POLR2M: variants seen among roughly 807,000 people sequenced by gnomAD.
The protein encoded by POLR2M is RNA polymerase II subunit M.
POLR2M carries 30 observed loss-of-function variants against 34.6 expected under a neutral mutation model. The observed-to-expected ratio is 0.87, with a 90% CI of 0.65 to 1.18. The LOEUF (loss-of-function observed/expected upper bound fraction) is 1.18, where lower values mean the gene tolerates loss of function less well. Ranked by LOEUF, POLR2M falls within the 50% of genes most tolerant of loss-of-function variation. POLR2M has a pLI of 0.00. For synonymous variants in POLR2M, 150 were observed against 166.7 expected (o/e 0.90, Z 0.77); for missense variants, 432 against 448.7 (o/e 0.96, Z 0.34).
At position 57,715,818 on chromosome 15, in the gene POLR2M, A is replaced by T. The variant is rs1186567083; in HGVS notation, c.*1139A>T. On this transcript the variant is annotated 3_prime_UTR_variant, in exon 4 of 4. Coordinates refer to ENST00000299638, the MANE Select transcript of POLR2M (RefSeq NM_015532.5). ...TTAATTAGAACAACTTCAAATGCTAAGGTGATGTTTTACCGGGACTTAATT... is the reference window on the plus strand; with the variant it reads ...TTAATTAGAACAACTTCAAATGCTATGGTGATGTTTTACCGGGACTTAATT... 1.3e-5 allele frequency: 2 copies of T among 152,270 alleles called. No individual in the cohort carries two copies. Among genetic ancestry groups the T allele is most frequent in the Non-Finnish European group, 2.9e-5 (2 of 68,048 alleles). 9.4% of individuals were successfully genotyped at this position (152,270 alleles called of 1,614,324 possible).
chr15:57,714,600 A>C lies in POLR2M; in HGVS notation c.1028A>C (p.Tyr343Ser). 6.2e-7 allele frequency: 1 copy of C among 1,613,584 alleles called. No homozygotes were observed. Among genetic ancestry groups the C allele is most frequent in the Non-Finnish European group, 8.5e-7 (1 of 1,179,870 alleles). Residue 343 changes from tyrosine to serine, a missense_variant, in exon 4 of 4, where the codon TAT (tyrosine) becomes TCT (serine). Transcript: ENST00000299638. Reference sequence around the variant, plus strand: ...AGACTGAATATTAAAATGCGGAGTTATAATCCAGAAGGGGAGTCTTCAGGG... The same window carrying C: ...AGACTGAATATTAAAATGCGGAGTTCTAATCCAGAAGGGGAGTCTTCAGGG... ...AERLNIKMRS[Y>S]NPEGESSGRY... is the part of the protein sequence containing the mutation.
chr15:57,711,489 C>A (rs2040711086), intron 2 of POLR2M, among the ~76,000 whole-genome samples: 1 of 152,208 alleles, frequency 6.6e-6, no homozygotes, highest in Non-Finnish European at 1.5e-5. Flanking sequence ...TACTTTCTCT[C>A]ACTCCCCTTG....
chr15:57,713,817 CTTCTTTTTTT>C (rs2040832504), intron 3 of POLR2M, among the ~76,000 whole-genome samples: 10 of 111,656 alleles, frequency 9.0e-5, no homozygotes, highest in South Asian at 6.3e-4. Flanking sequence ...AGCATTAGTC[CTTCTTTTTTT>C]TTTTTTTTTT....
rs2040494738 is a variant in POLR2M, at chr15:57,706,766, C to T, written c.-77C>T. 3 of 1,493,250 alleles carry T rather than the reference C, an allele frequency of 2.0e-6. No individual in the cohort carries two copies. The highest frequency in any genetic ancestry group is 1.4e-5 in the African/African-American group (1 of 71,484). 92.5% of individuals were successfully genotyped at this position (1,493,250 alleles called of 1,614,324 possible). On this transcript the variant is annotated 5_prime_UTR_variant, in exon 1 of 4. Coordinates refer to ENST00000299638, the MANE Select transcript of POLR2M (RefSeq NM_015532.5). Reference sequence around the variant, plus strand: ...CTCGTGCCCCGGAGTCACCGCCGTCCGCGGATCCGGCGCTAGTAGCGGGGC... The same window carrying T: ...CTCGTGCCCCGGAGTCACCGCCGTCTGCGGATCCGGCGCTAGTAGCGGGGC...
Position 57,709,124 on chromosome 15 carries a change from A to G in POLR2M, c.524A>G (p.His175Arg). 1 of 1,614,214 alleles carries G rather than the reference A, an allele frequency of 6.2e-7. No individual in the cohort carries two copies. Among genetic ancestry groups the G allele is most frequent in the Admixed American group, 1.7e-5 (1 of 60,016 alleles). Residue 175 changes from histidine (H) to arginine (R), a missense_variant, in exon 2 of 4, where the codon CAT becomes CGT. Coordinates refer to ENST00000299638, the MANE Select transcript of POLR2M (RefSeq NM_015532.5). ...GAAGCTAGTGAGCATCACCCGCGGC[A>G]TCGTGTTTCAAGTCAAGCGGAAGAT... is the stretch of plus-strand genomic sequence containing the variant. ...SSEASEHHPRHRVSSQAEDTS... is the reference protein window; with the variant it reads ...SSEASEHHPRRRVSSQAEDTS...
Position 57,714,735 on chromosome 15 carries a change from T to C in POLR2M, c.*56T>C. 5.7e-6 allele frequency: 9 copies of C among 1,580,930 alleles called. No individual in the cohort carries two copies. Among genetic ancestry groups the C allele is most frequent in the Non-Finnish European group, 7.7e-6 (9 of 1,162,308 alleles). ...TGTCATCATCTTACATCAGACTTTC[T>C]AACTAGTATCAAGATCAGTGTCAGA... is the stretch of plus-strand genomic sequence containing the variant. On this transcript the variant is annotated 3_prime_UTR_variant, in exon 4 of 4. Coordinates refer to ENST00000299638, the MANE Select transcript of POLR2M (RefSeq NM_015532.5).
intron 2 of POLR2M, among the ~76,000 whole-genome samples, chr15:57,710,970 C>T (rs72745583): frequency 0.045 from 6,788 of 152,286 alleles, 190 homozygotes; most frequent in Middle Eastern, 0.088. Flanking sequence ...AGGCTGACCC[C>T]TGTGCACCTC....
At chr15:57,707,458 G>GT in intron 1 of POLR2M, 1 of 573,546 alleles carries the variant, frequency 1.7e-6, no homozygotes, top group Non-Finnish European at 3.3e-6. Flanking sequence ...AAGTGATTTT[G>GT]TTTTTTAGGC....
rs2040982518 is a variant in POLR2M at position 57,717,254 on chromosome 15, C to T, written c.*2575C>T. 1 of 152,204 alleles carries T rather than the reference C, an allele frequency of 6.6e-6. No homozygotes were observed. Among genetic ancestry groups the T allele is most frequent in the Non-Finnish European group, 1.5e-5 (1 of 68,048 alleles). 9.4% of individuals were successfully genotyped at this position (152,204 alleles called of 1,614,324 possible). The stretch of plus-strand genomic sequence containing the variant: ...ATTGGTGTTAATATTTGGTAGTACA[C>T]AGGTTCTCCCTTGTTCTTTTAAATT... On this transcript the variant is annotated 3_prime_UTR_variant, in exon 4 of 4. Coordinates refer to ENST00000299638, the MANE Select transcript of POLR2M (RefSeq NM_015532.5).
Position 57,714,845 on chromosome 15 carries a change from T to C in POLR2M, c.*166T>C. 1 of 1,172,818 alleles carries C rather than the reference T, an allele frequency of 8.5e-7. No homozygotes were observed. 72.7% of individuals were successfully genotyped at this position (1,172,818 alleles called of 1,614,324 possible). On this transcript the variant is annotated 3_prime_UTR_variant, in exon 4 of 4. Coordinates refer to ENST00000299638, the MANE Select transcript of POLR2M (RefSeq NM_015532.5). ...TTTGTCTTTCAGAAGGTGACTTTCA[T>C]GTGCTTGAAAAGTTTAATATTTGAA... is the stretch of plus-strand genomic sequence containing the variant.
At position 57,716,480 on chromosome 15, in the gene POLR2M, C is replaced by G; in HGVS notation, c.*1801C>G. 6.6e-6 allele frequency: 1 copy of G among 152,274 alleles called. No individual in the cohort carries two copies. The highest frequency in any genetic ancestry group is 1.5e-5 in the Non-Finnish European group (1 of 68,046). 9.4% of individuals were successfully genotyped at this position (152,274 alleles called of 1,614,324 possible). ...TATATATATTACTCACTGCAGAGAT[C>G]ATGTTCATTTACATTCCCATTAGCA... On this transcript the variant is annotated 3_prime_UTR_variant, in exon 4 of 4. Transcript: ENST00000299638.
chr15:57,716,316 A>T lies in POLR2M; in HGVS notation c.*1637A>T, dbSNP rs2040940927. ...CTTTAAGATTTATTTCCTATTCAGC[A>T]ATTTGATTATGTATTATAATGTAAT... On this transcript the variant is annotated 3_prime_UTR_variant, in exon 4 of 4. Transcript: ENST00000299638. 6.6e-6 allele frequency: 1 copy of T among 152,270 alleles called. No individual in the cohort carries two copies. The allele number at this position is 152,270 out of a possible 1,614,324, so 9.4% of individuals were successfully genotyped here.
rs2040948566 is a variant in POLR2M at position 57,716,511 on chromosome 15, T to C, written c.*1832T>C. Reference sequence around the variant, plus strand: ...CATTTACATTCCCATTAGCAATATATCCAATGCTCAGAATTGAAAATTACT... The same window carrying C: ...CATTTACATTCCCATTAGCAATATACCCAATGCTCAGAATTGAAAATTACT... On this transcript the variant is annotated 3_prime_UTR_variant, in exon 4 of 4. Transcript: ENST00000299638. The C allele has an allele frequency of 6.6e-6, 1 of 152,282 alleles. No individual in the cohort carries two copies. Among genetic ancestry groups the C allele is most frequent in the African/African-American group, 2.4e-5 (1 of 41,478 alleles). The allele number at this position is 152,282 out of a possible 1,614,324, so 9.4% of individuals were successfully genotyped here.
Position 57,706,840 on chromosome 15 carries a change from A to G in POLR2M, c.-3A>G, listed in dbSNP as rs535099937. On this transcript the variant is annotated 5_prime_UTR_variant, in exon 1 of 4. Coordinates refer to ENST00000299638, the MANE Select transcript of POLR2M (RefSeq NM_015532.5). ...CCGCCGCGCCAGCCTCAGCCCGCGC[A>G]GAATGTGCTCGCTGCCCCGCGGCTT... 115 of 1,562,710 alleles carry G rather than the reference A, an allele frequency of 7.4e-5. 1 individual carries two copies. The East Asian group carries it at 2.4e-3, about 33-fold the overall frequency.
rs146680768 is a variant in POLR2M at position 57,708,900 on chromosome 15, G to T, written c.300G>T (p.Gln100His). 1.1e-4 allele frequency: 182 copies of T among 1,614,076 alleles called. No homozygotes were observed. In the African/African-American group the frequency reaches 1.3e-3, roughly 11 times the overall value. ...AEVDVGTDKA[Q>H]NSDPILDTSS... ...TTGATGTGGGTACAGATAAGGCCCA[G>T]AATTCTGACCCGATACTTGATACTT... The change falls in exon 2 of 4, where the codon CAG becomes CAT. Residue 100 changes from glutamine to histidine, a missense_variant. Transcript: ENST00000299638.
chr15:57,709,381 C>T, intron 2 of POLR2M, 23 bp downstream of exon 2: 4 of 1,587,600 alleles, frequency 2.5e-6, no homozygotes, highest in Non-Finnish European at 3.4e-6. Flanking sequence ...GGAAACAGGC[C>T]TGTAACAGGA....
At position 57,714,582 on chromosome 15, in the gene POLR2M, A is replaced by T; in HGVS notation, c.1010A>T (p.Asn337Ile). The change falls in exon 4 of 4, where the codon AAT (asparagine) becomes ATT (isoleucine). Residue 337 changes from asparagine to isoleucine, a missense_variant. Asn to Ile is a moderately radical substitution (Grantham distance 149). Transcript: ENST00000299638. ...GCGCAAAAATTAGCTGAAAGACTGA[A>T]TATTAAAATGCGGAGTTATAATCCA... The part of the protein sequence containing the change: ...LAAQKLAERL[N>I]IKMRSYNPEG... The T allele has an allele frequency of 6.2e-7, 1 of 1,613,868 alleles. No individual in the cohort carries two copies. The highest frequency in any genetic ancestry group is 1.1e-5 in the South Asian group (1 of 91,064).
chr15:57,715,918 C>G lies in POLR2M; in HGVS notation c.*1239C>G, dbSNP rs538805063. On this transcript the variant is annotated 3_prime_UTR_variant, in exon 4 of 4. Coordinates refer to ENST00000299638, the MANE Select transcript of POLR2M (RefSeq NM_015532.5). ...TGTAATTATTGCTTTCATTCCTTAC[C>G]CCCCTCAAGCAAATGTGAAAAGTAT... is the stretch of plus-strand genomic sequence containing the variant. 64 of 152,344 alleles carry G rather than the reference C, an allele frequency of 4.2e-4. No individual in the cohort carries two copies. Among genetic ancestry groups the G allele is most frequent in the African/African-American group, 1.5e-3 (63 of 41,578 alleles). The allele number at this position is 152,344 out of a possible 1,614,324, so 9.4% of individuals were successfully genotyped here.
At position 57,716,740 on chromosome 15, in the gene POLR2M, A is replaced by G; in HGVS notation, c.*2061A>G. On this transcript the variant is annotated 3_prime_UTR_variant, in exon 4 of 4. Transcript: ENST00000299638. ...TTTTTTGGCATATAAGTTCTTAAGA[A>G]TGTCCGTCCTTTGTCATATATTGTA... 1 of 152,266 alleles carries G rather than the reference A, an allele frequency of 6.6e-6. No individual in the cohort carries two copies. The allele number at this position is 152,266 out of a possible 1,614,324, so 9.4% of individuals were successfully genotyped here.
Sources: allele counts gnomAD v4.1 joint callset (sites outside exome capture counted in the v4.1 genomes callset), GRCh38; gene constraint gnomAD v4.1.1; transcripts MANE v1.5; gene names NCBI Gene and HGNC (gene_info 2026-07-23, HGNC 2026-07-21).